SLC51A: variants seen among roughly 807,000 people sequenced by gnomAD.
SLC51A encodes organic solute transporter subunit alpha.
Under a neutral mutation model 34.8 loss-of-function variants are expected in SLC51A, and 22 were observed. That is an observed-to-expected ratio of 0.63 (90% CI 0.45 to 0.90). SLC51A has a LOEUF of 0.90. SLC51A is among the 40% of genes least tolerant of loss of function. The probability of loss-of-function intolerance (pLI) is 0.00; values close to 1 mark genes in which losing one functional copy is unlikely to be tolerated. For missense variants in SLC51A, 371 were observed against 414.8 expected (o/e 0.89, Z 0.92); for synonymous variants, 181 against 176.3 (o/e 1.03, Z -0.21).
At chr3:196,224,545 A>G (rs1166987467) in intron 2 of SLC51A, among the ~76,000 whole-genome samples, 1 of 151,702 alleles carries the variant, frequency 6.6e-6, no homozygotes, top group Admixed American at 6.6e-5. Flanking sequence ...GCGTGGTGGC[A>G]GGTGCCTGTA....
intron 4 of SLC51A, 147 bp from the exon 5 acceptor site, chr3:196,227,968 T>C (rs995306772): frequency 1.8e-6 from 2 of 1,125,354 alleles, no homozygotes; most frequent in African/African-American, 1.6e-5. Context: ...CTCCCAGTCC[T>C]GTGGGCCGTC....
At chr3:196,224,709 GAGATGGGA>G (rs1723852066) in intron 2 of SLC51A, among the ~76,000 whole-genome samples, 2 of 93,218 alleles carry the variant, frequency 2.1e-5, no homozygotes, top group Non-Finnish European at 2.2e-5. Context: ...GGGGGGGGAG[GAGATGGGA>G]GGGGAGGAGA....
In SLC51A at chr3:196,216,594, A is replaced by G. The variant is rs1443147573; in HGVS notation, c.-119A>G. The G allele has an allele frequency of 9.7e-6, 10 of 1,027,684 alleles. No homozygotes were observed. Among genetic ancestry groups the G allele is most frequent in the Non-Finnish European group, 1.2e-5 (8 of 679,018 alleles). The allele number at this position is 1,027,684 out of a possible 1,614,324, so 63.7% of individuals were successfully genotyped here. ...AGAGCGGCAGAGGGGAAGACTCTGC[A>G]ATTCTGCTTGCCCCCCACCCCGGCC... On this transcript the variant is annotated 5_prime_UTR_variant, in exon 1 of 9. Transcript: ENST00000296327. The surrounding 1 kb of genome is among the most constrained non-coding windows in gnomAD (Gnocchi z 4.5).
intron 7 of SLC51A, among the ~76,000 whole-genome samples, chr3:196,231,670 G>C (rs1226801952): frequency 2.0e-5 from 3 of 152,198 alleles, no homozygotes; most frequent in African/African-American, 4.8e-5. Flanking sequence ...TAAAAGCCGT[G>C]TGATGGCCGA....
In SLC51A at chr3:196,216,873, A is replaced by G; in HGVS notation, c.38+123A>G. 9.3e-7 allele frequency: 1 copy of G among 1,070,226 alleles called. No individual in the cohort carries two copies. Among genetic ancestry groups the G allele is most frequent in the South Asian group, 1.6e-5 (1 of 62,832 alleles). 66.3% of individuals were successfully genotyped at this position (1,070,226 alleles called of 1,614,324 possible). On this transcript the variant is annotated intron_variant, in intron 1 of 8. Coordinates refer to ENST00000296327, the MANE Select transcript of SLC51A (RefSeq NM_152672.6). The surrounding 1 kb of genome is among the most constrained non-coding windows in gnomAD (Gnocchi z 4.5). ...CACTCAGAATGAGACAGGACTGGAA[A>G]TGCTCTAGCTGTTCCTAGGTCCTCA... is the stretch of plus-strand genomic sequence containing the variant.
Position 196,232,449 on chromosome 3 carries a change from T to C in SLC51A, c.811T>C (p.Ser271Pro). The C allele has an allele frequency of 6.2e-7, 1 of 1,614,212 alleles. No homozygotes were observed. Residue 271 changes from serine (S) to proline (P), a missense_variant, in exon 8 of 9, where the codon TCC (serine) becomes CCC (proline). By Grantham distance (74) the Ser-to-Pro change is moderately conservative (BLOSUM62 -1). Coordinates refer to ENST00000296327, the MANE Select transcript of SLC51A (RefSeq NM_152672.6). ...CCTCATCCTGACTGCCCTACAGCCC[T>C]CCATCTTCTCAGTCTTGGCCAACGG... ...VLLILTALQPSIFSVLANGGQ... is the reference protein window; with the variant it reads ...VLLILTALQPPIFSVLANGGQ...
In SLC51A at chr3:196,224,111, G is replaced by A. The variant is rs981562358; in HGVS notation, c.134-2854G>A. On this transcript the variant is annotated intron_variant, in intron 2 of 8. Transcript: ENST00000296327. ...TGACCTCAAGTGATCCACCCGCCTC[G>A]GCCTCCCAAAGTGCTGGGATTACAG... The A allele has an allele frequency of 2.7e-5, 6 of 219,686 alleles. 1 individual carries two copies. Among genetic ancestry groups the A allele is most frequent in the South Asian group, 5.0e-5 (1 of 19,874 alleles). The allele number at this position is 219,686 out of a possible 1,614,324, so 13.6% of individuals were successfully genotyped here.
rs201258541 is a variant in SLC51A, at chr3:196,228,787, C to T, written c.522-22C>T. ...GGCAGGGGGTTTGTGGGCCCATGTTCCTAACCCTCTTCCCCACTCAGGAAG... is the reference window on the plus strand; with the variant it reads ...GGCAGGGGGTTTGTGGGCCCATGTTTCTAACCCTCTTCCCCACTCAGGAAG... On this transcript the variant is annotated intron_variant, in intron 5 of 8. Coordinates refer to ENST00000296327, the MANE Select transcript of SLC51A (RefSeq NM_152672.6). The surrounding 1 kb of genome is among the most constrained non-coding windows in gnomAD (Gnocchi z 4.9). 1.9e-6 allele frequency: 3 copies of T among 1,605,460 alleles called. No individual in the cohort carries two copies. The Admixed American group carries it at 5.0e-5, about 27-fold the overall frequency.
At chr3:196,219,593 G>A (rs182070989) in intron 2 of SLC51A, among the ~76,000 whole-genome samples, 1 of 152,336 alleles carries the variant, frequency 6.6e-6, no homozygotes, top group Non-Finnish European at 1.5e-5. Flanking sequence ...CCACTCTGTG[G>A]TTAGTGGCAG....
chr3:196,217,924 C>A lies in SLC51A; in HGVS notation c.121C>A (p.Gln41Lys). The A allele has an allele frequency of 6.2e-7, 1 of 1,612,710 alleles. No individual in the cohort carries two copies. Among genetic ancestry groups the A allele is most frequent in the Non-Finnish European group, 8.5e-7 (1 of 1,179,412 alleles). Residue 41 changes from glutamine to lysine, a missense_variant, in exon 2 of 9, where the codon CAA (glutamine) becomes AAA (lysine). Transcript: ENST00000296327. ...ACFSQPPTAA[Q>K]LLRALGPVEL... ...CTTCTCTCAGCCTCCCACAGCAGCCCAACTCCTGAGAGGTGAGTGGGGACC... is the reference window on the plus strand; with the variant it reads ...CTTCTCTCAGCCTCCCACAGCAGCCAAACTCCTGAGAGGTGAGTGGGGACC...
chr3:196,224,706 GAGGAGATGGGA>G (rs1560153181), intron 2 of SLC51A, among the ~76,000 whole-genome samples: 1 of 88,828 alleles, frequency 1.1e-5, no homozygotes, highest in Non-Finnish European at 2.3e-5. Flanking sequence ...GCGGGGGGGG[GAGGAGATGGGA>G]GGGGAGGAGA....
At chr3:196,222,993 C>G (rs1356275553) in intron 2 of SLC51A, among the ~76,000 whole-genome samples, 1 of 151,852 alleles carries the variant, frequency 6.6e-6, no homozygotes, top group African/African-American at 2.4e-5. Context: ...GTTGAACAGT[C>G]AGAATCTGCC....
chr3:196,229,703 A>AAAAAAAAAAAT, intron 6 of SLC51A: 4 of 430,902 alleles, frequency 9.3e-6, no homozygotes, highest in Admixed American at 4.3e-5. Flanking sequence ...AAAAAAAAAA[A>AAAAAAAAAAAT]GTTAGCTGGG....
At chr3:196,232,615 C>A (rs1724052015) in intron 8 of SLC51A, 91 bp downstream of exon 8, 1 of 933,354 alleles carries the variant, frequency 1.1e-6, no homozygotes, top group Non-Finnish European at 1.8e-6. Flanking sequence ...ATTAGGCCAG[C>A]CTGACTTCTG....
At position 196,216,847 on chromosome 3, in the gene SLC51A, G is replaced by A. The variant is rs145603315; in HGVS notation, c.38+97G>A. On this transcript the variant is annotated intron_variant, in intron 1 of 8. Coordinates refer to ENST00000296327, the MANE Select transcript of SLC51A (RefSeq NM_152672.6). This position sits in a 1 kb window ranked among gnomAD's most constrained non-coding sequence, Gnocchi z 4.5. ...TCCCTCCCAGAGCCCTTTGGCGGCC[G>A]CACTCAGAATGAGACAGGACTGGAA... is the stretch of plus-strand genomic sequence containing the variant. 2.9e-4 allele frequency: 370 copies of A among 1,269,792 alleles called. No homozygotes were observed. In the African/African-American group the frequency reaches 4.9e-3, roughly 17 times the overall value. The allele number at this position is 1,269,792 out of a possible 1,614,324, so 78.7% of individuals were successfully genotyped here. A position where few individuals can be genotyped will look rare whatever the true frequency, so the allele number is the denominator to read the frequency against.
At chr3:196,218,488 CCTGAG>C in intron 2 of SLC51A, among the ~76,000 whole-genome samples, 1 of 152,308 alleles carries the variant, frequency 6.6e-6, no homozygotes, top group East Asian at 1.9e-4. Flanking sequence ...TCATTCCACC[CCTGAG>C]CTCTCAGGTG....
intron 4 of SLC51A, 174 bp from the exon 5 acceptor site, chr3:196,227,941 A>T: frequency 1.0e-6 from 1 of 989,786 alleles, no homozygotes. Flanking sequence ...CTGTTCCCAC[A>T]GTCTGAAATT....
chr3:196,220,894 T>C lies in SLC51A; in HGVS notation c.133+2958T>C, dbSNP rs543358541. On this transcript the variant is annotated intron_variant, in intron 2 of 8. Coordinates refer to ENST00000296327, the MANE Select transcript of SLC51A (RefSeq NM_152672.6). Reference sequence around the variant, plus strand: ...CTTTGTTGTTCCTTAATTTTTCTTTTTTTTTTTTTTTTTGAGACAGGGTCT... The same window carrying C: ...CTTTGTTGTTCCTTAATTTTTCTTTCTTTTTTTTTTTTTGAGACAGGGTCT... 1.1e-3 allele frequency among the ~76,000 whole-genome samples: 160 copies of C among 149,166 alleles called. 1 individual carries two copies. Among genetic ancestry groups the C allele is most frequent in the East Asian group, 3.7e-3 (19 of 5,108 alleles).
intron 7 of SLC51A, among the ~76,000 whole-genome samples, 183 bp from the exon 8 acceptor site, chr3:196,232,236 G>A (rs148056503): frequency 6.6e-6 from 1 of 152,218 alleles, no homozygotes. Flanking sequence ...AATGTCATTT[G>A]CCTAAAGATG....
Sources: gnomAD v4.1 joint callset for allele counts (sites outside exome capture counted in the v4.1 genomes callset) on GRCh38, gnomAD v4.1.1 for gene constraint, Gnocchi (gnomAD v3.1) non-coding constraint, MANE v1.5 for transcripts, NCBI Gene and HGNC (gene_info 2026-07-23, HGNC 2026-07-21) for gene names.